ECT2L: variants seen among roughly 807,000 people sequenced by gnomAD.
ECT2L encodes epithelial cell transforming 2 like, also known as epithelial cell-transforming sequence 2 oncogene-like.
ECT2L carries 126 observed loss-of-function variants against 122.8 expected under a neutral mutation model. The ratio of observed to expected loss-of-function variants is 1.03; its 90% CI spans 0.89 to 1.19. The LOEUF (loss-of-function observed/expected upper bound fraction) is 1.19, where lower values mean the gene tolerates loss of function less well. ECT2L is among the 50% of genes most tolerant of loss of function. ECT2L has a pLI of 0.00. For synonymous variants in ECT2L, 385 were observed against 381.8 expected, an observed-to-expected ratio of 1.01 and a Z score of -0.10; for missense variants, 1,012 against 1,064.1, an observed-to-expected ratio of 0.95 and a Z score of 0.68.
At chr6:138,861,759 T>C (rs1249102440) in intron 10 of ECT2L, among the ~76,000 whole-genome samples, 1 of 152,246 alleles carries the variant, frequency 6.6e-6, no homozygotes, top group African/African-American at 2.4e-5. Flanking sequence ...TTCTGGCTTT[T>C]GTTGCAATTG....
At chr6:138,848,767 G>T (rs1278049382) in intron 8 of ECT2L, among the ~76,000 whole-genome samples, 1 of 152,120 alleles carries the variant, frequency 6.6e-6, no homozygotes, top group East Asian at 1.9e-4. Flanking sequence ...ATTTTAGGAG[G>T]CAAAGGCAGG....
intron 20 of ECT2L, among the ~76,000 whole-genome samples, chr6:138,891,475 A>T (rs1779023656): frequency 6.6e-6 from 1 of 152,118 alleles, no homozygotes; most frequent in South Asian, 2.1e-4. Context: ...TCTACATAAG[A>T]ACACTGGTCT....
At chr6:138,828,605 G>T (rs184274161) in intron 4 of ECT2L, among the ~76,000 whole-genome samples, 1 of 152,216 alleles carries the variant, frequency 6.6e-6, no homozygotes, top group East Asian at 1.9e-4. Context: ...TTTCATTAGG[G>T]GTTGCAAAAT....
At chr6:138,847,184 C>G (rs1464033774) in intron 8 of ECT2L, among the ~76,000 whole-genome samples, 4 of 150,918 alleles carry the variant, frequency 2.7e-5, no homozygotes. Flanking sequence ...GCATGAGAAT[C>G]GCTTGAACCC....
At chr6:138,850,681 T>TC (rs1777405581) in intron 9 of ECT2L, among the ~76,000 whole-genome samples, 1 of 152,126 alleles carries the variant, frequency 6.6e-6, no homozygotes, top group Non-Finnish European at 1.5e-5. Flanking sequence ...ATTGATGGAT[T>TC]ATATGATAGT....
intron 20 of ECT2L, among the ~76,000 whole-genome samples, chr6:138,892,239 T>G (rs962130005): frequency 1.3e-5 from 2 of 152,234 alleles, no homozygotes; most frequent in Non-Finnish European, 2.9e-5. Flanking sequence ...GTGTCCAGTG[T>G]ATTAATGACC....
chr6:138,840,398 A>AT (rs139011567), intron 5 of ECT2L, among the ~76,000 whole-genome samples: 1 of 151,726 alleles, frequency 6.6e-6, no homozygotes, highest in Non-Finnish European at 1.5e-5. Context: ...TCTGTAGTTC[A>AT]TTTTTTTCTG....
chr6:138,840,341 T>G (rs1048578593), intron 5 of ECT2L, among the ~76,000 whole-genome samples: 22 of 152,112 alleles, frequency 1.4e-4, no homozygotes, highest in African/African-American at 4.8e-4. Context: ...TCTTTATTAC[T>G]ATTGTTTTAT....
intron 8 of ECT2L, 43 bp downstream of exon 8, chr6:138,846,720 T>TG: frequency 7.1e-7 from 1 of 1,413,852 alleles, no homozygotes; most frequent in Non-Finnish European, 9.3e-7. Context: ...ATTGTTTTTT[T>TG]GTTTTTTGTT....
chr6:138,816,546 G>A (rs530584879), intron 4 of ECT2L, among the ~76,000 whole-genome samples: 20 of 151,960 alleles, frequency 1.3e-4, no homozygotes, highest in African/African-American at 4.6e-4. Flanking sequence ...GTGCAGTGGC[G>A]CGATCTCAGC....
At chr6:138,869,550 G>A (rs1337247704) in intron 13 of ECT2L, among the ~76,000 whole-genome samples, 2 of 152,312 alleles carry the variant, frequency 1.3e-5, no homozygotes, top group South Asian at 2.1e-4. Context: ...GCCCAATGAC[G>A]AAAGGCCTTT....
chr6:138,883,530 ACT>A (rs1373538731), intron 16 of ECT2L, among the ~76,000 whole-genome samples: 1 of 152,132 alleles, frequency 6.6e-6, no homozygotes, highest in Non-Finnish European at 1.5e-5. Context: ...GCCAGAGTCC[ACT>A]GTGACCACTC....
chr6:138,868,011 A>G (rs1190482231), intron 12 of ECT2L, 92 bp from the exon 13 acceptor site: 3 of 793,868 alleles, frequency 3.8e-6, no homozygotes, highest in Non-Finnish European at 3.6e-6. Flanking sequence ...AAAAAAAAAA[A>G]AAAAAAAAGA....
chr6:138,870,579 A>G (rs1778217277), intron 13 of ECT2L, among the ~76,000 whole-genome samples: 1 of 107,244 alleles, frequency 9.3e-6, no homozygotes, highest in African/African-American at 3.8e-5. Flanking sequence ...AGAAAGGTAG[A>G]AATTTGCATT....
intron 1 of ECT2L, among the ~76,000 whole-genome samples, chr6:138,812,630 C>A (rs1293764677): frequency 6.6e-6 from 1 of 152,044 alleles, no homozygotes; most frequent in Non-Finnish European, 1.5e-5. Flanking sequence ...CATGGTGAAA[C>A]CTTGTCTCTA....
At chr6:138,901,449 A>G (rs977318310) in intron 21 of ECT2L, among the ~76,000 whole-genome samples, 3 of 152,238 alleles carry the variant, frequency 2.0e-5, no homozygotes, top group African/African-American at 7.2e-5. Flanking sequence ...CTGTCTGAAG[A>G]TGCCACAGTC....
intron 1 of ECT2L, among the ~76,000 whole-genome samples, chr6:138,803,549 T>C (rs1486524001): frequency 6.6e-6 from 1 of 152,216 alleles, no homozygotes; most frequent in Non-Finnish European, 1.5e-5. Flanking sequence ...ACTAAGAATT[T>C]GTTTTCATTT....
chr6:138,819,182 T>C (rs1296278434), intron 4 of ECT2L, among the ~76,000 whole-genome samples: 2 of 150,888 alleles, frequency 1.3e-5, no homozygotes, highest in African/African-American at 2.4e-5. Context: ...GATAACTGTA[T>C]GAAATATTAG....
At chr6:138,832,988 G>C (rs559720386) in intron 4 of ECT2L, among the ~76,000 whole-genome samples, 2 of 152,212 alleles carry the variant, frequency 1.3e-5, no homozygotes, top group African/African-American at 4.8e-5. Context: ...AATCACGGTG[G>C]AAGGGGAAGC....
Sources: allele counts gnomAD v4.1 joint callset (sites outside exome capture counted in the v4.1 genomes callset), GRCh38; gene constraint gnomAD v4.1.1; transcripts MANE v1.5; gene names NCBI Gene and HGNC (gene_info 2026-07-23, HGNC 2026-07-21).